METAP1D: variants seen among roughly 807,000 people sequenced by gnomAD.
METAP1D encodes the protein methionine aminopeptidase 1D, mitochondrial.
A neutral mutation model predicts 40.5 loss-of-function variants in METAP1D; 31 were observed. The ratio of observed to expected loss-of-function variants is 0.77; its 90% CI spans 0.58 to 1.03. The LOEUF (loss-of-function observed/expected upper bound fraction) is 1.03, where lower values mean the gene tolerates loss of function less well. METAP1D is among the 50% of genes least tolerant of loss of function. The pLI is 0.00. For missense variants in METAP1D, 411 were observed against 420.7 expected (o/e 0.98, Z 0.20); for synonymous variants, 151 against 146.4 (o/e 1.03, Z -0.22).
chr2:172,042,814 CGT>C (rs745633029), intron 1 of METAP1D, among the ~76,000 whole-genome samples: 2 of 30,464 alleles, frequency 6.6e-5, no homozygotes, highest in Admixed American at 9.1e-4. Flanking sequence ...TACACATATA[CGT>C]GTGTGTGTAT....
intron 1 of METAP1D, among the ~76,000 whole-genome samples, chr2:172,059,368 C>T (rs547195313): frequency 9.2e-5 from 14 of 152,240 alleles, no homozygotes; most frequent in African/African-American, 2.9e-4. Context: ...CATTATACTG[C>T]TGGTCTGTGA....
At chr2:172,057,757 C>T (rs1690034205) in intron 1 of METAP1D, among the ~76,000 whole-genome samples, 2 of 152,156 alleles carry the variant, frequency 1.3e-5, no homozygotes, top group Non-Finnish European at 2.9e-5. Context: ...TTGTGTGCCT[C>T]AGTATCTTCA....
intron 1 of METAP1D, among the ~76,000 whole-genome samples, chr2:172,040,306 A>T (rs1689488274): frequency 6.6e-6 from 1 of 152,176 alleles, no homozygotes; most frequent in African/African-American, 2.4e-5. Flanking sequence ...TTAAACCAGG[A>T]TTATAGCTTA....
intron 5 of METAP1D, among the ~76,000 whole-genome samples, chr2:172,067,264 G>A (rs970042430): frequency 6.6e-6 from 1 of 152,196 alleles, no homozygotes; most frequent in Non-Finnish European, 1.5e-5. Context: ...ATAAGGAAGT[G>A]TTTTTAAGAA....
Position 172,080,358 on chromosome 2 carries a change from C to A in METAP1D, c.960C>A (p.Ile320=). ...CGCAGTTCGAGCACACGGTTCTGAT[C>A]ACGTCGAGGGGCGCGCAGATCCTGA... ...RSAQFEHTVL[I]TSRGAQILTK... The change falls in exon 10 of 10, where the codon ATC becomes ATA. Residue 320 remains isoleucine, a synonymous_variant. Transcript: ENST00000315796. 6.2e-7 allele frequency: 1 copy of A among 1,614,018 alleles called. No individual in the cohort carries two copies. The highest frequency in any genetic ancestry group is 8.5e-7 in the Non-Finnish European group (1 of 1,179,906).
intron 1 of METAP1D, among the ~76,000 whole-genome samples, chr2:172,054,236 T>G (rs1027183294): frequency 2.6e-5 from 4 of 152,138 alleles, no homozygotes; most frequent in African/African-American, 7.2e-5. Flanking sequence ...AATGCATTCC[T>G]CCTGGCCAGG....
At position 172,071,002 on chromosome 2, in the gene METAP1D, G is replaced by A. The variant is rs1207428561; in HGVS notation, c.636G>A (p.Arg212=). 6.2e-7 allele frequency: 1 copy of A among 1,613,206 alleles called. No homozygotes were observed. Among genetic ancestry groups the A allele is most frequent in the African/African-American group, 1.3e-5 (1 of 74,884 alleles). ...CGKKLVEVAR[R]CRDEAIAACR... The stretch of plus-strand genomic sequence containing the variant: ...AAAAGTTAGTGGAGGTTGCCAGGAG[G>A]TGTAGAGATGAAGCAATTGCAGCTT... Residue 212 remains arginine (R), a synonymous_variant, in exon 6 of 10, where the codon AGG becomes AGA. Transcript: ENST00000315796.
At chr2:172,066,231 C>T (rs1690276295) in intron 4 of METAP1D, 33 bp from the exon 5 acceptor site, 1 of 1,583,118 alleles carries the variant, frequency 6.3e-7, no homozygotes. Flanking sequence ...TGAGATCTGT[C>T]TATCACCATT....
chr2:172,021,862 C>T (rs1689015225), intron 1 of METAP1D: 2 of 152,196 alleles, frequency 1.3e-5, no homozygotes, highest in African/African-American at 2.4e-5. Flanking sequence ...CAGTATTGAA[C>T]TGCAAGTATG....
chr2:172,075,476 C>T (rs896989408), intron 6 of METAP1D, among the ~76,000 whole-genome samples: 1 of 152,114 alleles, frequency 6.6e-6, no homozygotes, highest in Non-Finnish European at 1.5e-5. Flanking sequence ...CCCAGCATGC[C>T]AGTCAAGAGC....
intron 1 of METAP1D, among the ~76,000 whole-genome samples, chr2:172,002,765 A>G (rs1415358605): frequency 6.6e-6 from 1 of 152,154 alleles, no homozygotes; most frequent in Non-Finnish European, 1.5e-5. Flanking sequence ...CCTTTCACCC[A>G]TCTAGATTTA....
At chr2:172,046,780 C>T (rs371494061) in intron 1 of METAP1D, among the ~76,000 whole-genome samples, 9 of 152,054 alleles carry the variant, frequency 5.9e-5, no homozygotes, top group African/African-American at 1.4e-4. Flanking sequence ...AAACGGTCTC[C>T]GCATAATTTT....
intron 1 of METAP1D, among the ~76,000 whole-genome samples, chr2:172,008,025 C>CTT (rs60404224): frequency 1.3e-3 from 177 of 137,978 alleles, no homozygotes; most frequent in African/African-American, 2.0e-3. Context: ...TTTACTTTCC[C>CTT]TTTTTTTTTT....
In METAP1D at chr2:172,024,756, G is replaced by GTGTGTGTGTA. The variant is rs1553491391; in HGVS notation, c.40+24756_40+24757insATGTGTGTGT. Among the ~76,000 whole-genome samples the GTGTGTGTGTA allele has an allele frequency of 3.1e-3, 378 of 120,934 alleles. 2 individuals carry two copies. The highest frequency in any genetic ancestry group is 0.01 in the African/African-American group (358 of 34,526). 79.3% of individuals were successfully genotyped at this position (120,934 alleles called of 152,430 possible). Reference sequence around the variant, plus strand: ...TTTTAAAGACATATAGATTGTGTGTGTGTGTGTGTGTGTGTGTGTGTGTGT... The same window carrying GTGTGTGTGTA: ...TTTTAAAGACATATAGATTGTGTGTGTGTGTGTGTATGTGTGTGTGTGTGTGTGTGTGTGT... On this transcript the variant is annotated intron_variant, in intron 1 of 9. Coordinates refer to ENST00000315796, the MANE Select transcript of METAP1D (RefSeq NM_199227.3).
Position 172,080,831 on chromosome 2 carries a change from G to C in METAP1D, c.*425G>C, listed in dbSNP as rs1690690607. ...CTTTGTATCTGAACTTTGCACGTCT[G>C]CCGAAAAATCCGAACCTGTTGACTG... On this transcript the variant is annotated 3_prime_UTR_variant, in exon 10 of 10. Coordinates refer to ENST00000315796, the MANE Select transcript of METAP1D (RefSeq NM_199227.3). 1.5e-5 allele frequency: 3 copies of C among 198,632 alleles called. No individual in the cohort carries two copies. The highest frequency in any genetic ancestry group is 3.1e-5 in the Non-Finnish European group (3 of 96,562). The allele number at this position is 198,632 out of a possible 1,614,324, so 12.3% of individuals were successfully genotyped here.
chr2:172,018,638 G>T (rs780314317), intron 1 of METAP1D, among the ~76,000 whole-genome samples: 1 of 152,112 alleles, frequency 6.6e-6, no homozygotes, highest in Non-Finnish European at 1.5e-5. Context: ...ACTGGAGAAG[G>T]CTAGCAACAT....
In METAP1D at chr2:172,077,777, T is replaced by G. The variant is rs749265209; in HGVS notation, c.705-20T>G. 3 of 1,295,206 alleles carry G rather than the reference T, an allele frequency of 2.3e-6. No homozygotes were observed. The East Asian group carries it at 7.3e-5, about 31-fold the overall frequency. The allele number at this position is 1,295,206 out of a possible 1,614,324, so 80.2% of individuals were successfully genotyped here. On this transcript the variant is annotated intron_variant, in intron 6 of 9. Transcript: ENST00000315796. ...AAAACTTATCTAATTTAATTAAATA[T>G]TTTTTGGTCACTTTTAAAGCCACAT...
At chr2:172,060,454 C>G (rs939396167) in intron 1 of METAP1D, among the ~76,000 whole-genome samples, 1 of 151,420 alleles carries the variant, frequency 6.6e-6, no homozygotes, top group Non-Finnish European at 1.5e-5. Flanking sequence ...CTCTCTACCT[C>G]TAGCCCCAAC....
Position 172,078,006 on chromosome 2 carries a change from G to A in METAP1D, c.802+112G>A. ...TCTGCATTATCAACCTTGTGTTTGT[G>A]TGTGTGTTTATGTGCAGGGGGCAGG... On this transcript the variant is annotated intron_variant, in intron 7 of 9. Transcript: ENST00000315796. The A allele has an allele frequency of 5.7e-6, 3 of 530,348 alleles. No individual in the cohort carries two copies. In the Admixed American group the frequency reaches 9.0e-5, roughly 16 times the overall value. 32.9% of individuals were successfully genotyped at this position (530,348 alleles called of 1,614,324 possible).
Sources: gnomAD v4.1 joint callset for allele counts (sites outside exome capture counted in the v4.1 genomes callset) on GRCh38, gnomAD v4.1.1 for gene constraint, MANE v1.5 for transcripts, NCBI Gene and HGNC (gene_info 2026-07-23, HGNC 2026-07-21) for gene names.